Variants in DOCK1 observed in about 807,000 individuals in gnomAD.
DOCK1 encodes the protein dedicator of cytokinesis protein 1.
Under a neutral mutation model 262.7 loss-of-function variants are expected in DOCK1, and 138 were observed. The observed-to-expected ratio is 0.53, with a 90% CI of 0.46 to 0.61. The LOEUF is 0.61. DOCK1 is among the 20% of genes least tolerant of loss of function. The pLI, the probability that DOCK1 is intolerant of heterozygous loss-of-function variation, is 0.00. For missense variants in DOCK1, 1,908 were observed against 2,370.7 expected, an observed-to-expected ratio of 0.80 and a Z score of 4.05; for synonymous variants, 866 against 867.4, an observed-to-expected ratio of 1.00 and a Z score of 0.03.
chr10:127,234,967 AAAT>A (rs1247539914), intron 27 of DOCK1, among the ~76,000 whole-genome samples: 2 of 137,468 alleles, frequency 1.5e-5, no homozygotes, highest in South Asian at 2.3e-4. Flanking sequence ...CATAAAAAGT[AAAT>A]AATATATGTA....
intron 29 of DOCK1, 158 bp downstream of exon 29, chr10:127,257,587 C>G (rs1295312892): frequency 3.6e-6 from 2 of 557,946 alleles, no homozygotes; most frequent in East Asian, 2.9e-5. Flanking sequence ...GAGACAGGGA[C>G]TCTGAGTTTG....
chr10:127,211,796 C>T (rs748560640), intron 27 of DOCK1, among the ~76,000 whole-genome samples: 1 of 152,184 alleles, frequency 6.6e-6, no homozygotes, highest in South Asian at 2.1e-4. Context: ...CCTGAATCCT[C>T]ATGGGATGTG....
At chr10:127,054,471 G>A (rs144258623) in intron 22 of DOCK1, among the ~76,000 whole-genome samples, 57 of 152,290 alleles carry the variant, frequency 3.7e-4, no homozygotes, top group African/African-American at 1.1e-3. Context: ...GGATATGCAT[G>A]ACCTTTGGTG....
At chr10:126,945,984 C>T (rs1032756472) in intron 1 of DOCK1, among the ~76,000 whole-genome samples, 29 of 152,290 alleles carry the variant, frequency 1.9e-4, no homozygotes, top group African/African-American at 6.5e-4. Flanking sequence ...TAGGCAGAGA[C>T]GCTCTGGACT....
intron 27 of DOCK1, among the ~76,000 whole-genome samples, chr10:127,134,169 A>G (rs2050502767): frequency 1.3e-5 from 2 of 152,138 alleles, no homozygotes; most frequent in East Asian, 3.8e-4. Flanking sequence ...CCAGTATTTG[A>G]TGGTCTGTCT....
intron 29 of DOCK1, among the ~76,000 whole-genome samples, chr10:127,309,841 A>G (rs1326196976): frequency 6.6e-6 from 1 of 151,278 alleles, no homozygotes; most frequent in Non-Finnish European, 1.5e-5. Context: ...ACAATTCCCC[A>G]TATATCTTGT....
intron 3 of DOCK1, among the ~76,000 whole-genome samples, chr10:126,981,404 A>G (rs918667696): frequency 9.9e-5 from 15 of 152,154 alleles, no homozygotes; most frequent in Non-Finnish European, 2.1e-4. Context: ...GTGTACCCCC[A>G]GGTGTTGTGC....
chr10:127,259,063 C>T (rs1188494677), intron 29 of DOCK1, among the ~76,000 whole-genome samples: 2 of 152,162 alleles, frequency 1.3e-5, no homozygotes, highest in African/African-American at 4.8e-5. Context: ...TGATGTTCAC[C>T]CCGCGTCAGA....
At chr10:127,350,345 G>C (rs2063826746) in intron 31 of DOCK1, among the ~76,000 whole-genome samples, 1 of 152,050 alleles carries the variant, frequency 6.6e-6, no homozygotes, top group Non-Finnish European at 1.5e-5. Context: ...AGCCAGCTCT[G>C]TGTTCTGTAG....
chr10:126,941,049 A>AT (rs1342614831), intron 1 of DOCK1, among the ~76,000 whole-genome samples: 1 of 152,184 alleles, frequency 6.6e-6, no homozygotes, highest in Non-Finnish European at 1.5e-5. Flanking sequence ...TTCCATCACA[A>AT]TATTTCAGGG....
chr10:127,159,045 G>C (rs2133622080), intron 27 of DOCK1, among the ~76,000 whole-genome samples: 1 of 152,166 alleles, frequency 6.6e-6, no homozygotes, highest in South Asian at 2.1e-4. Flanking sequence ...TTGCCTGTTA[G>C]AGGAGCCTGG....
intron 29 of DOCK1, among the ~76,000 whole-genome samples, chr10:127,338,040 G>A (rs116193628): frequency 0.016 from 2,430 of 152,306 alleles, 82 homozygotes; most frequent in African/African-American, 0.053. Context: ...GGCACGCTTG[G>A]CTGAAGAGAT....
chr10:126,936,636 A>G (rs2034575444), intron 1 of DOCK1, among the ~76,000 whole-genome samples: 1 of 152,192 alleles, frequency 6.6e-6, no homozygotes, highest in Non-Finnish European at 1.5e-5. Context: ...AAAGTATTTC[A>G]TGACAAAGAC....
chr10:127,342,548 G>T (rs2063480037), intron 30 of DOCK1, among the ~76,000 whole-genome samples: 1 of 152,202 alleles, frequency 6.6e-6, no homozygotes. Context: ...TTCATGGGAA[G>T]TGTTGGATAA....
chr10:126,993,417 T>C (rs2039953862), intron 6 of DOCK1, among the ~76,000 whole-genome samples: 1 of 152,080 alleles, frequency 6.6e-6, no homozygotes, highest in South Asian at 2.1e-4. Flanking sequence ...CCCATACCAG[T>C]ATTGACCCCA....
At chr10:127,254,048 G>A (rs566027607) in intron 28 of DOCK1, among the ~76,000 whole-genome samples, 36 of 152,158 alleles carry the variant, frequency 2.4e-4, no homozygotes, top group Non-Finnish European at 4.4e-4. Flanking sequence ...TTCAGCAAAC[G>A]TCTCTGGGGA....
chr10:127,030,415 A>C (rs2135518342), intron 16 of DOCK1, among the ~76,000 whole-genome samples: 1 of 152,258 alleles, frequency 6.6e-6, no homozygotes, highest in South Asian at 2.1e-4. Context: ...TTCTGTCCCC[A>C]GATGTGCCAC....
chr10:127,112,773 A>G (rs1048857200), intron 25 of DOCK1, among the ~76,000 whole-genome samples: 1 of 152,220 alleles, frequency 6.6e-6, no homozygotes, highest in Non-Finnish European at 1.5e-5. Context: ...CCATCAGTAG[A>G]AGTTGTCTAA....
intron 32 of DOCK1, among the ~76,000 whole-genome samples, chr10:127,358,948 C>T (rs947811770): frequency 6.6e-6 from 1 of 152,108 alleles, no homozygotes; most frequent in Non-Finnish European, 1.5e-5. Context: ...AAAATAGACT[C>T]TAGATGGGCT....
Sources: allele counts gnomAD v4.1 joint callset (sites outside exome capture counted in the v4.1 genomes callset), GRCh38; gene constraint gnomAD v4.1.1; transcripts MANE v1.5; gene names NCBI Gene and HGNC (gene_info 2026-07-23, HGNC 2026-07-21).